The following KATNIP variants were observed in gnomAD, a reference collection of about 807,000 sequenced individuals.
The protein encoded by KATNIP is katanin-interacting protein.
Under a neutral mutation model 174.0 loss-of-function variants are expected in KATNIP, and 126 were observed. The ratio of observed to expected loss-of-function variants is 0.72; its 90% CI spans 0.63 to 0.84. The LOEUF is 0.84. KATNIP is among the 40% of genes least tolerant of loss of function. The pLI is 0.00. For missense variants in KATNIP, 1,958 were observed against 2,109.7 expected, an observed-to-expected ratio of 0.93 and a Z score of 1.41; for synonymous variants, 810 against 835.7, an observed-to-expected ratio of 0.97 and a Z score of 0.53.
chr16:27,710,336 G>A (rs994726203), intron 13 of KATNIP, among the ~76,000 whole-genome samples: 1 of 152,122 alleles, frequency 6.6e-6, no homozygotes, highest in Non-Finnish European at 1.5e-5. Context: ...CAGCCTGAAC[G>A]ATGGAGCAGG....
At chr16:27,608,427 T>C (rs994071605) in intron 2 of KATNIP, among the ~76,000 whole-genome samples, 1 of 148,388 alleles carries the variant, frequency 6.7e-6, no homozygotes, top group African/African-American at 2.5e-5. Context: ...TTTGTATTTT[T>C]GTAGAGATGG....
chr16:27,725,416 T>A (rs2143073913), intron 14 of KATNIP, among the ~76,000 whole-genome samples: 1 of 152,304 alleles, frequency 6.6e-6, no homozygotes, highest in East Asian at 1.9e-4. Context: ...TCTTTCTGGT[T>A]CATCGAGGAA....
chr16:27,747,502 T>C (rs1027222194), intron 15 of KATNIP, among the ~76,000 whole-genome samples: 2 of 152,076 alleles, frequency 1.3e-5, no homozygotes, highest in African/African-American at 4.8e-5. Flanking sequence ...GTTCTCTCTA[T>C]AGGGTAGCAA....
At chr16:27,717,663 T>C (rs1221145734) in intron 13 of KATNIP, among the ~76,000 whole-genome samples, 1 of 152,194 alleles carries the variant, frequency 6.6e-6, no homozygotes, top group African/African-American at 2.4e-5. Flanking sequence ...AGTAGATATG[T>C]CAGTGCCTGC....
chr16:27,694,293 A>G (rs1312095040), intron 8 of KATNIP, among the ~76,000 whole-genome samples: 1 of 152,148 alleles, frequency 6.6e-6, no homozygotes, highest in Non-Finnish European at 1.5e-5. Context: ...AAGTGCTTCG[A>G]CAGGAGCCCT....
rs1342245076 is a variant in KATNIP at position 27,775,083 on chromosome 16, T to G, written c.4448T>G (p.Leu1483Arg). The stretch of plus-strand genomic sequence containing the variant: ...TGGCTGGCTCCCATCCTGCCGGGCC[T>G]GGTGGGTTCCCGGCAGCGGCCACCG... ...HMWLAPILPG[L>R]VNRVYVIFDL... The change falls in exon 24 of 28, where the codon CTG becomes CGG. Residue 1483 changes from leucine to arginine, a missense_variant and splice_region_variant. By Grantham distance (102) the Leu-to-Arg change is moderately radical. This residue lies in a region of KATNIP where 383 missense variants were observed against 456.0 expected (regional missense o/e 0.84). Transcript: ENST00000261588. 3 of 1,611,122 alleles carry G rather than the reference T, an allele frequency of 1.9e-6. No homozygotes were observed. In the African/African-American group the frequency reaches 4.0e-5, roughly 22 times the overall value.
chr16:27,612,403 T>C (rs1354064383), intron 2 of KATNIP, among the ~76,000 whole-genome samples: 1 of 152,152 alleles, frequency 6.6e-6, no homozygotes, highest in East Asian at 1.9e-4. Flanking sequence ...TAAAGTTGGC[T>C]AGTCTAGGGC....
intron 6 of KATNIP, chr16:27,654,695 G>A (rs762348123): frequency 1.6e-5 from 22 of 1,351,844 alleles, no homozygotes; most frequent in Admixed American, 7.6e-5. Flanking sequence ...TTCAAGCAGC[G>A]TGGACAAAGA....
chr16:27,690,363 TGATAGATA>T (rs200443119), intron 8 of KATNIP, among the ~76,000 whole-genome samples: 1 of 90,986 alleles, frequency 1.1e-5, no homozygotes, highest in Non-Finnish European at 2.3e-5. Flanking sequence ...GATAGATAGA[TGATAGATA>T]GATAGATAGA....
At position 27,750,017 on chromosome 16, in the gene KATNIP, T is replaced by C. The variant is rs1477598079; in HGVS notation, c.3057T>C (p.Asn1019=). 6.2e-7 allele frequency: 1 copy of C among 1,614,130 alleles called. No individual in the cohort carries two copies. The highest frequency in any genetic ancestry group is 1.1e-5 in the South Asian group (1 of 91,082). The change falls in exon 16 of 28, where the codon AAT becomes AAC. Residue 1019 remains asparagine, a synonymous_variant. Coordinates refer to ENST00000261588, the MANE Select transcript of KATNIP (RefSeq NM_015202.5). ...TAAAAGCAGACCCTCCCGATATCAATATTTTACCAGCCTATGGGAAAGACC... is the reference window on the plus strand; with the variant it reads ...TAAAAGCAGACCCTCCCGATATCAACATTTTACCAGCCTATGGGAAAGACC... ...SNIKADPPDI[N]ILPAYGKDPR...
At chr16:27,620,385 TTGTC>T (rs1314457937) in intron 3 of KATNIP, among the ~76,000 whole-genome samples, 2 of 152,200 alleles carry the variant, frequency 1.3e-5, no homozygotes, top group South Asian at 2.1e-4. Flanking sequence ...TCATTTTACT[TTGTC>T]TGCACACTAC....
chr16:27,641,920 G>A (rs2142267017), intron 5 of KATNIP, among the ~76,000 whole-genome samples: 1 of 152,304 alleles, frequency 6.6e-6, no homozygotes, highest in Middle Eastern at 3.4e-3. Context: ...GTGCTGGTGA[G>A]TCAGGCAGCT....
At chr16:27,648,520 A>G in intron 5 of KATNIP, 84 bp from the exon 6 acceptor site, 1 of 1,530,214 alleles carries the variant, frequency 6.5e-7, no homozygotes, top group East Asian at 2.3e-5. Flanking sequence ...ATCCTGGCTG[A>G]ACCTCTCCAG....
At chr16:27,714,904 C>G (rs1180210901) in intron 13 of KATNIP, among the ~76,000 whole-genome samples, 1 of 152,174 alleles carries the variant, frequency 6.6e-6, no homozygotes, top group African/African-American at 2.4e-5. Context: ...TCAGCAAAAT[C>G]ACTATCAGAA....
At chr16:27,724,505 C>T (rs542590680) in intron 14 of KATNIP, among the ~76,000 whole-genome samples, 2 of 152,320 alleles carry the variant, frequency 1.3e-5, no homozygotes, top group East Asian at 3.9e-4. Context: ...GGCACAGGGT[C>T]TTAAGAGTCC....
At chr16:27,591,131 G>C (rs1336336447) in intron 2 of KATNIP, among the ~76,000 whole-genome samples, 1 of 151,664 alleles carries the variant, frequency 6.6e-6, no homozygotes, top group Non-Finnish European at 1.5e-5. Flanking sequence ...AACCAAATGG[G>C]ATATTCCAGT....
intron 14 of KATNIP, among the ~76,000 whole-genome samples, chr16:27,739,364 C>G (rs2081018538): frequency 6.6e-6 from 1 of 152,114 alleles, no homozygotes; most frequent in Non-Finnish European, 1.5e-5. Flanking sequence ...GCAGAGGGCC[C>G]CCGTGGGAAG....
intron 2 of KATNIP, among the ~76,000 whole-genome samples, chr16:27,591,184 T>C (rs1358451175): frequency 1.3e-5 from 2 of 152,140 alleles, no homozygotes; most frequent in African/African-American, 2.4e-5. Context: ...AGTTGCACTT[T>C]CTTTCTTTTT....
At chr16:27,613,484 C>G (rs1041409801) in intron 2 of KATNIP, among the ~76,000 whole-genome samples, 1 of 152,078 alleles carries the variant, frequency 6.6e-6, no homozygotes, top group African/African-American at 2.4e-5. Flanking sequence ...CTTTGAAGTC[C>G]CATATTTCAT....
Sources: gnomAD v4.1 joint callset for allele counts (sites outside exome capture counted in the v4.1 genomes callset) on GRCh38, gnomAD v4.1.1 for gene constraint, gnomAD v4.1.1 regional missense constraint, MANE v1.5 for transcripts, NCBI Gene and HGNC (gene_info 2026-07-23, HGNC 2026-07-21) for gene names.